ABCB5: variants seen among roughly 807,000 people sequenced by gnomAD.
ABCB5 encodes the protein ATP binding cassette subfamily B member 5.
Under a neutral mutation model 144.2 loss-of-function variants are expected in ABCB5, and 155 were observed. The ratio of observed to expected loss-of-function variants is 1.08; its 90% CI spans 0.94 to 1.23. ABCB5 has a LOEUF of 1.23. ABCB5 is among the 50% of genes most tolerant of loss of function. The pLI is 0.00. For missense variants in ABCB5, 1,830 were observed against 1,520.8 expected, an observed-to-expected ratio of 1.20 and a Z score of -3.38; for synonymous variants, 610 against 528.6, an observed-to-expected ratio of 1.15 and a Z score of -2.11.
chr7:20,690,335 C>A (rs749809287), intron 16 of ABCB5, among the ~76,000 whole-genome samples: 2 of 152,170 alleles, frequency 1.3e-5, no homozygotes, highest in Non-Finnish European at 2.9e-5. Context: ...TAATGAACCA[C>A]ATTCATAACT....
intron 26 of ABCB5, among the ~76,000 whole-genome samples, chr7:20,749,260 C>T (rs370435171): frequency 7.4e-6 from 1 of 135,374 alleles, no homozygotes; most frequent in Admixed American, 8.2e-5. Flanking sequence ...CAGGGTCTTG[C>T]TCTGTCGCCT....
intron 1 of ABCB5, among the ~76,000 whole-genome samples, chr7:20,620,523 A>G (rs1783785913): frequency 6.6e-6 from 1 of 152,102 alleles, no homozygotes; most frequent in Non-Finnish European, 1.5e-5. Flanking sequence ...CAGAATATAT[A>G]AAGAACACCT....
At chr7:20,739,998 G>A (rs10281754) in intron 24 of ABCB5, among the ~76,000 whole-genome samples, 15 of 152,272 alleles carry the variant, frequency 9.9e-5, no homozygotes, top group East Asian at 7.7e-4. Flanking sequence ...TTGGGAGGCC[G>A]AGGTGGGTGG....
chr7:20,710,389 G>GA (rs1192761397), intron 20 of ABCB5, among the ~76,000 whole-genome samples: 4 of 118,806 alleles, frequency 3.4e-5, no homozygotes, highest in Non-Finnish European at 5.3e-5. Flanking sequence ...AAAGTGGGGG[G>GA]GGGGCATGAC....
intron 20 of ABCB5, among the ~76,000 whole-genome samples, chr7:20,711,870 C>T (rs1321421894): frequency 0.022 from 2,160 of 99,214 alleles, 207 homozygotes; most frequent in Middle Eastern, 0.048. Context: ...TCCTTCCTCC[C>T]TCCCTCCCTC....
At chr7:20,688,430 C>T (rs1786076263) in intron 16 of ABCB5, among the ~76,000 whole-genome samples, 1 of 152,098 alleles carries the variant, frequency 6.6e-6, no homozygotes, top group Admixed American at 6.5e-5. Flanking sequence ...TACCATCTCA[C>T]ACCAGTTAGA....
At chr7:20,693,669 C>T (rs1008096405) in intron 16 of ABCB5, among the ~76,000 whole-genome samples, 1 of 151,932 alleles carries the variant, frequency 6.6e-6, no homozygotes, top group Non-Finnish European at 1.5e-5. Flanking sequence ...ATATACTAAG[C>T]TTCCACCTTA....
intron 5 of ABCB5, among the ~76,000 whole-genome samples, chr7:20,641,012 T>C (rs34219383): frequency 0.11 from 16,390 of 152,154 alleles, 961 homozygotes; most frequent in East Asian, 0.16. Context: ...TTGTTTTAAT[T>C]ACCACCTGCC....
chr7:20,684,495 T>G (rs753759645), intron 15 of ABCB5, among the ~76,000 whole-genome samples: 1 of 152,230 alleles, frequency 6.6e-6, no homozygotes, highest in Non-Finnish European at 1.5e-5. Context: ...GGCTGGTTCC[T>G]GTAATCCCAG....
intron 20 of ABCB5, among the ~76,000 whole-genome samples, chr7:20,713,653 G>A (rs1781572099): frequency 2.0e-5 from 3 of 149,494 alleles, no homozygotes; most frequent in Middle Eastern, 3.4e-3. Flanking sequence ...AAGTTACCTG[G>A]GAATAGTTTG....
chr7:20,748,667 A>C (rs1373354689), intron 26 of ABCB5, among the ~76,000 whole-genome samples: 1 of 151,052 alleles, frequency 6.6e-6, no homozygotes, highest in African/African-American at 2.4e-5. Context: ...AAAAAAAAAA[A>C]AAAAAAAAAA....
At chr7:20,692,569 T>C (rs1034351659) in intron 16 of ABCB5, among the ~76,000 whole-genome samples, 1 of 151,562 alleles carries the variant, frequency 6.6e-6, no homozygotes, top group Non-Finnish European at 1.5e-5. Flanking sequence ...TCAGTAATAG[T>C]AAATATACAA....
At chr7:20,745,803 G>C (rs907036926) in intron 26 of ABCB5, among the ~76,000 whole-genome samples, 1 of 152,120 alleles carries the variant, frequency 6.6e-6, no homozygotes, top group East Asian at 1.9e-4. Context: ...GTAATCAGAG[G>C]GATCTTTTAA....
At position 20,723,178 on chromosome 7, in the gene ABCB5, T is replaced by C. The variant is rs1781930030; in HGVS notation, c.2584T>C (p.Phe862Leu). The change falls in exon 21 of 28, where the codon TTT becomes CTT. Residue 862 changes from phenylalanine to leucine, a missense_variant. Physicochemically the swap from Phe to Leu is conservative, Grantham distance 22. Coordinates refer to ENST00000404938, the MANE Select transcript of ABCB5 (RefSeq NM_001163941.2). ...GATTGAAACCGCAGCAATGACTGGA[T>C]TTGCCAACAAAGATAAGCAAGAACT... ...GMIETAAMTG[F>L]ANKDKQELKH... The C allele has an allele frequency of 6.2e-7, 1 of 1,614,012 alleles. No individual in the cohort carries two copies. Among genetic ancestry groups the C allele is most frequent in the Non-Finnish European group, 8.5e-7 (1 of 1,180,040 alleles).
intron 14 of ABCB5, chr7:20,667,474 A>C: frequency 1.0e-6 from 1 of 984,006 alleles, no homozygotes. Context: ...GTTTGACTTT[A>C]TATTCTGTCC....
intron 19 of ABCB5, among the ~76,000 whole-genome samples, chr7:20,702,772 A>C (rs911888804): frequency 6.8e-6 from 1 of 146,188 alleles, no homozygotes; most frequent in African/African-American, 2.6e-5. Flanking sequence ...CGCCATTCTC[A>C]TGCCTCAGCC....
At chr7:20,662,432 A>G (rs565771617) in intron 14 of ABCB5, among the ~76,000 whole-genome samples, 19 of 152,318 alleles carry the variant, frequency 1.2e-4, no homozygotes, top group Admixed American at 1.0e-3. Flanking sequence ...AAGTTCTAAG[A>G]AGTGATTATC....
Position 20,645,859 on chromosome 7 carries a change from C to T in ABCB5, c.782C>T (p.Ala261Val). 6.2e-7 allele frequency: 1 copy of T among 1,613,692 alleles called. No individual in the cohort carries two copies. The highest frequency in any genetic ancestry group is 8.5e-7 in the Non-Finnish European group (1 of 1,179,734). The change falls in exon 8 of 28, where the codon GCC becomes GTC. Residue 261 changes from alanine to valine, a missense_variant. Transcript: ENST00000404938. ...SSIRTVIAFR[A>V]QEKELQRYTQ... Reference sequence around the variant, plus strand: ...ATCCGAACAGTCATAGCCTTTAGGGCCCAGGAGAAAGAACTTCAAAGGTCT... The same window carrying T: ...ATCCGAACAGTCATAGCCTTTAGGGTCCAGGAGAAAGAACTTCAAAGGTCT...
intron 26 of ABCB5, among the ~76,000 whole-genome samples, chr7:20,747,488 G>A (rs1267336070): frequency 1.3e-5 from 2 of 152,070 alleles, no homozygotes; most frequent in African/African-American, 2.4e-5. Flanking sequence ...AAGCTCCTGG[G>A]CTCAAGCAAT....
Sources: gnomAD v4.1 joint callset for allele counts (sites outside exome capture counted in the v4.1 genomes callset) on GRCh38, gnomAD v4.1.1 for gene constraint, MANE v1.5 for transcripts, NCBI Gene and HGNC (gene_info 2026-07-23, HGNC 2026-07-21) for gene names.